The following S1PR2 variants were observed in gnomAD, a reference collection of about 807,000 sequenced individuals.
S1PR2 encodes sphingosine 1-phosphate receptor 2.
A neutral mutation model predicts 16.1 loss-of-function variants in S1PR2; 9 were observed. The ratio of observed to expected loss-of-function variants is 0.56; its 90% CI spans 0.34 to 0.98. S1PR2 has a LOEUF of 0.98. Among genes scored for constraint, S1PR2 ranks in the 50% least tolerant of loss-of-function variants. The probability of loss-of-function intolerance (pLI) is 0.02; values close to 1 mark genes in which losing one functional copy is unlikely to be tolerated. For synonymous variants in S1PR2, 224 were observed against 233.9 expected (o/e 0.96, Z 0.38); for missense variants, 361 against 488.4 (o/e 0.74, Z 2.46).
chr19:10,223,802 G>T lies in S1PR2; in HGVS notation c.*42C>A, dbSNP rs545591591. 190 of 1,500,422 alleles carry T rather than the reference G, an allele frequency of 1.3e-4. 10 individuals are homozygous for T. The South Asian group carries it at 2.4e-3, about 19-fold the overall frequency. 92.9% of individuals were successfully genotyped at this position (1,500,422 alleles called of 1,614,324 possible). A position where few individuals can be genotyped will look rare whatever the true frequency, so the allele number is the denominator to read the frequency against. ...TGGGGTCACCCAGTGGCCTCTCCAT[G>T]AACCCCTCTGCCCTGGCCTGGTTGT... is the stretch of plus-strand genomic sequence containing the variant. On this transcript the variant is annotated 3_prime_UTR_variant, in exon 2 of 2. Coordinates refer to ENST00000646641, the MANE Select transcript of S1PR2 (RefSeq NM_004230.4).
At position 10,221,741 on chromosome 19, in the gene S1PR2, G is replaced by A. The variant is rs781399611; in HGVS notation, c.*2103C>T. ...AGCAGACAGGACAGCATTCATTCTG[G>A]GGGAAATGTGACGAGGAGAGGAGGG... On this transcript the variant is annotated 3_prime_UTR_variant, in exon 2 of 2. Transcript: ENST00000646641. 3.9e-5 allele frequency: 6 copies of A among 152,458 alleles called. No individual in the cohort carries two copies. The highest frequency in any genetic ancestry group is 1.9e-4 in the East Asian group (1 of 5,330). 9.4% of individuals were successfully genotyped at this position (152,458 alleles called of 1,614,324 possible). A position where few individuals can be genotyped will look rare whatever the true frequency, so the allele number is the denominator to read the frequency against.
rs758945809 is a variant in S1PR2, at chr19:10,224,407, T to C, written c.499A>G (p.Ile167Val). The part of the protein sequence containing the change: ...LISLVLGGLP[I>V]LGWNCLGHLE... ...TGGCCCAGGCAGTTCCAGCCAAGGA[T>C]GGGCAGGCCACCGAGGACCAGCGAG... is the stretch of plus-strand genomic sequence containing the variant. The change falls in exon 2 of 2, where the codon ATC (isoleucine) becomes GTC (valine). Residue 167 changes from isoleucine (I) to valine (V), a missense_variant. Physicochemically the swap from Ile to Val is conservative, Grantham distance 29. Transcript: ENST00000646641. 1.2e-4 allele frequency: 198 copies of C among 1,613,598 alleles called. No homozygotes were observed. The highest frequency in any genetic ancestry group is 1.1e-5 in the South Asian group (1 of 91,090).
chr19:10,230,645 A>T (rs1599238898), intron 1 of S1PR2, among the ~76,000 whole-genome samples: 1 of 152,344 alleles, frequency 6.6e-6, no homozygotes, highest in East Asian at 1.9e-4. Context: ...CGGAGTTGAA[A>T]GAGGAGGCGT....
intron 1 of S1PR2, among the ~76,000 whole-genome samples, chr19:10,229,698 T>C (rs908480234): frequency 1.3e-5 from 2 of 152,124 alleles, no homozygotes; most frequent in Admixed American, 6.6e-5. Flanking sequence ...CCCTACCTTA[T>C]AGAAAGTGAC....
Position 10,224,735 on chromosome 19 carries a change from C to T in S1PR2, c.171G>A (p.Ala57=), listed in dbSNP as rs764211253. 51 of 1,614,110 alleles carry T rather than the reference C, an allele frequency of 3.2e-5. No individual in the cohort carries two copies. Among genetic ancestry groups the T allele is most frequent in the South Asian group, 5.5e-5 (5 of 91,094 alleles). ...IVVENLLVLI[A]VARNSKFHSA... Reference sequence around the variant, plus strand: ...AGTGGAACTTGCTGTTTCGGGCCACCGCAATGAGCACCAGAAGGTTTTCCA... The same window carrying T: ...AGTGGAACTTGCTGTTTCGGGCCACTGCAATGAGCACCAGAAGGTTTTCCA... The change falls in exon 2 of 2, where the codon GCG becomes GCA. Residue 57 remains alanine (A), a synonymous_variant. Transcript: ENST00000646641.
chr19:10,226,363 TC>T (rs1419804784), intron 1 of S1PR2, among the ~76,000 whole-genome samples: 3 of 152,106 alleles, frequency 2.0e-5, no homozygotes, highest in African/African-American at 7.2e-5. Context: ...CCATTCCACC[TC>T]TGAAACACTG....
rs1448211598 is a variant in S1PR2, at chr19:10,222,325, G to C, written c.*1519C>G. 1 of 152,172 alleles carries C rather than the reference G, an allele frequency of 6.6e-6. No homozygotes were observed. Among genetic ancestry groups the C allele is most frequent in the East Asian group, 1.9e-4 (1 of 5,292 alleles). 9.4% of individuals were successfully genotyped at this position (152,172 alleles called of 1,614,324 possible). On this transcript the variant is annotated 3_prime_UTR_variant, in exon 2 of 2. Transcript: ENST00000646641. ...TGAAAGAAGACACAGCGGGGTTCTTGAAAGAAGACACAGAGAAGGCTCAAG... is the reference window on the plus strand; with the variant it reads ...TGAAAGAAGACACAGCGGGGTTCTTCAAAGAAGACACAGAGAAGGCTCAAG...
At position 10,223,601 on chromosome 19, in the gene S1PR2, A is replaced by C; in HGVS notation, c.*243T>G. The C allele has an allele frequency of 2.2e-6, 1 of 456,170 alleles. No individual in the cohort carries two copies. The highest frequency in any genetic ancestry group is 3.8e-6 in the Non-Finnish European group (1 of 260,332). 28.3% of individuals were successfully genotyped at this position (456,170 alleles called of 1,614,324 possible). A position where few individuals can be genotyped will look rare whatever the true frequency, so the allele number is the denominator to read the frequency against. On this transcript the variant is annotated 3_prime_UTR_variant, in exon 2 of 2. Transcript: ENST00000646641. The stretch of plus-strand genomic sequence containing the variant: ...ACAGGTCCCCTGCCCTGGCCTCCCC[A>C]GGATCCAGTTCTAAAGGGGTCACAC...
chr19:10,231,042 G>A (rs918805222), intron 1 of S1PR2, among the ~76,000 whole-genome samples, 162 bp downstream of exon 1: 6 of 152,246 alleles, frequency 3.9e-5, no homozygotes, highest in Non-Finnish European at 7.3e-5. Context: ...GGGCCGCCCG[G>A]ATTCTTGGAG....
Position 10,224,232 on chromosome 19 carries a change from G to A in S1PR2, c.674C>T (p.Ala225Val). 1 of 1,613,638 alleles carries A rather than the reference G, an allele frequency of 6.2e-7. No homozygotes were observed. Among genetic ancestry groups the A allele is most frequent in the South Asian group, 1.1e-5 (1 of 91,086 alleles). The change falls in exon 2 of 2, where the codon GCC becomes GTC. Residue 225 changes from alanine (A) to valine (V), a missense_variant. Ala to Val is a moderately conservative substitution (Grantham distance 64). Coordinates refer to ENST00000646641, the MANE Select transcript of S1PR2 (RefSeq NM_004230.4). ...VVRSSHADMA[A>V]PQTLALLKTV... ...CTTGAGCAGGGCTAGCGTCTGCGGGGCGGCCATGTCAGCGTGGCTTGAGCG... is the reference window on the plus strand; with the variant it reads ...CTTGAGCAGGGCTAGCGTCTGCGGGACGGCCATGTCAGCGTGGCTTGAGCG...
chr19:10,224,786 G>A lies in S1PR2; in HGVS notation c.120C>T (p.Ile40=), dbSNP rs145014162. 3.1e-5 allele frequency: 50 copies of A among 1,614,128 alleles called. No individual in the cohort carries two copies. The East Asian group carries it at 6.9e-4, about 22-fold the overall frequency. ...CCACAATGGCGCAACAGAGGATGAC[G>A]ATGAAGGCCGAGGCCACCTGGCGGG... The part of the protein sequence containing the change: ...TTSRQVASAF[I]VILCCAIVVE... Residue 40 remains isoleucine (I), a synonymous_variant, in exon 2 of 2, where the codon ATC becomes ATT. Coordinates refer to ENST00000646641, the MANE Select transcript of S1PR2 (RefSeq NM_004230.4).
intron 1 of S1PR2, among the ~76,000 whole-genome samples, chr19:10,229,601 C>A (rs958044254): frequency 6.6e-6 from 1 of 152,070 alleles, no homozygotes; most frequent in African/African-American, 2.4e-5. Context: ...TTCCTCAAAT[C>A]TTTGAATGAC....
chr19:10,226,246 C>T (rs1227930870), intron 1 of S1PR2, among the ~76,000 whole-genome samples: 2 of 152,190 alleles, frequency 1.3e-5, no homozygotes, highest in African/African-American at 4.8e-5. Context: ...CGGGTGCTCC[C>T]AAGATAAGGT....
intron 1 of S1PR2, among the ~76,000 whole-genome samples, chr19:10,226,493 G>C (rs897766138): frequency 6.6e-6 from 1 of 152,198 alleles, no homozygotes; most frequent in African/African-American, 2.4e-5. Context: ...GGCACGTTTA[G>C]CTCATAGTAA....
chr19:10,223,553 G>A lies in S1PR2; in HGVS notation c.*291C>T. The A allele has an allele frequency of 7.2e-6, 3 of 414,248 alleles. No individual in the cohort carries two copies. The highest frequency in any genetic ancestry group is 1.3e-5 in the Non-Finnish European group (3 of 233,978). 25.7% of individuals were successfully genotyped at this position (414,248 alleles called of 1,614,324 possible). On this transcript the variant is annotated 3_prime_UTR_variant, in exon 2 of 2. Transcript: ENST00000646641. The stretch of plus-strand genomic sequence containing the variant: ...CTGCCCTGAGCTCCCCTTAAATGCT[G>A]CCTGCCCTCACCCTGGCTCTTCACA...
At chr19:10,227,469 C>T (rs993235652) in intron 1 of S1PR2, among the ~76,000 whole-genome samples, 2 of 152,134 alleles carry the variant, frequency 1.3e-5, no homozygotes, top group Non-Finnish European at 2.9e-5. Context: ...GACTGCTGCC[C>T]CTCCCAGATA....
chr19:10,223,835 C>A lies in S1PR2; in HGVS notation c.*9G>T. On this transcript the variant is annotated 3_prime_UTR_variant, in exon 2 of 2. Transcript: ENST00000646641. The stretch of plus-strand genomic sequence containing the variant: ...CTGCCCTGGCCTGGTTGTTGGTCCA[C>A]CCCCACCCTCAGACCACCGTGTTGC... 1 of 1,525,410 alleles carries A rather than the reference C, an allele frequency of 6.6e-7. No homozygotes were observed. Among genetic ancestry groups the A allele is most frequent in the Non-Finnish European group, 8.8e-7 (1 of 1,138,604 alleles). 94.5% of individuals were successfully genotyped at this position (1,525,410 alleles called of 1,614,324 possible).
intron 1 of S1PR2, among the ~76,000 whole-genome samples, chr19:10,229,688 C>A (rs2039657284): frequency 2.0e-5 from 3 of 152,090 alleles, no homozygotes; most frequent in African/African-American, 7.2e-5. Context: ...GTGGTAGCCA[C>A]CCTACCTTAT....
chr19:10,223,854 G>C lies in S1PR2; in HGVS notation c.1052C>G (p.Thr351Arg), dbSNP rs750703133. The change falls in exon 2 of 2, where the codon ACG (threonine) becomes AGG (arginine). Residue 351 changes from threonine to arginine, a missense_variant. Thr to Arg is a moderately conservative substitution (Grantham distance 71). Transcript: ENST00000646641. Reference sequence around the variant, plus strand: ...GGTCCACCCCCACCCTCAGACCACCGTGTTGCCCTCCAGAAACGTGGGTGA... The same window carrying C: ...GGTCCACCCCCACCCTCAGACCACCCTGTTGCCCTCCAGAAACGTGGGTGA... ...PTSPTFLEGN[T>R]VV 6.5e-7 allele frequency: 1 copy of C among 1,539,646 alleles called. No homozygotes were observed. Among genetic ancestry groups the C allele is most frequent in the Non-Finnish European group, 8.7e-7 (1 of 1,144,174 alleles).
Sources: allele counts gnomAD v4.1 joint callset (sites outside exome capture counted in the v4.1 genomes callset), GRCh38; gene constraint gnomAD v4.1.1; transcripts MANE v1.5; gene names NCBI Gene and HGNC (gene_info 2026-07-23, HGNC 2026-07-21).